The following ASMT variants were observed in gnomAD, a reference collection of about 807,000 sequenced individuals.
ASMT encodes acetylserotonin O-methyltransferase, also known as acetylserotonin N-methyltransferase.
ASMT carries 53 observed loss-of-function variants against 41.3 expected under a neutral mutation model. That is an observed-to-expected ratio of 1.28 (90% CI 1.03 to 1.61). ASMT has a LOEUF of 1.61. Among genes scored for constraint, ASMT ranks in the 40% most tolerant of loss-of-function variants. The probability of loss-of-function intolerance (pLI) is 0.00; values close to 1 mark genes in which losing one functional copy is unlikely to be tolerated. For missense variants in ASMT, 531 were observed against 441.3 expected, an observed-to-expected ratio of 1.20 and a Z score of -1.82; for synonymous variants, 231 against 184.8, an observed-to-expected ratio of 1.25 and a Z score of -2.03.
rs191827752 is a variant in ASMT, at chrX:1,629,592, C to A, written c.444-229C>A. ...TAGAAATCCCTTCCCATCCAGAGAA[C>A]AATCGTCCGTTCTGAATCAACTCCA... On this transcript the variant is annotated intron_variant, in intron 4 of 8. Transcript: ENST00000381241. 9.5e-4 allele frequency among the ~76,000 whole-genome samples: 145 copies of A among 152,286 alleles called. 1 individual carries two copies. The highest frequency in any genetic ancestry group is 3.3e-3 in the African/African-American group (136 of 41,568).
chrX:1,636,589 G>C (rs779732884), intron 8 of ASMT, 29 bp downstream of exon 8: 30 of 1,613,746 alleles, frequency 1.9e-5, no homozygotes, highest in Non-Finnish European at 2.4e-5. Flanking sequence ...ATTTCAGCGT[G>C]TGCTTGTGAC....
chrX:1,620,323 C>T lies in ASMT; in HGVS notation c.70-2816C>T, dbSNP rs1934295195. On this transcript the variant is annotated intron_variant, in intron 1 of 8. Coordinates refer to ENST00000381241, the MANE Select transcript of ASMT (RefSeq NM_001171038.2). ...AATAGGTGGGATTACAGGCGTGCACCACCATGCCTACTTTTTGTATTTTTA... is the reference window on the plus strand; with the variant it reads ...AATAGGTGGGATTACAGGCGTGCACTACCATGCCTACTTTTTGTATTTTTA... 2.0e-5 allele frequency among the ~76,000 whole-genome samples: 3 copies of T among 151,094 alleles called. No individual in the cohort carries two copies. In the South Asian group the frequency reaches 6.3e-4, roughly 32 times the overall value.
intron 1 of ASMT, among the ~76,000 whole-genome samples, chrX:1,618,889 G>A (rs1469910905): frequency 1.3e-5 from 2 of 152,204 alleles, no homozygotes; most frequent in African/African-American, 2.4e-5. Flanking sequence ...TGTTCAGGGA[G>A]GTGGTCTGGT....
chrX:1,635,995 G>T (rs188778928), intron 7 of ASMT, among the ~76,000 whole-genome samples: 2 of 144,786 alleles, frequency 1.4e-5, no homozygotes, highest in Admixed American at 7.1e-5. Flanking sequence ...TCTCGCTGTC[G>T]CCCAGGCTGG....
chrX:1,632,149 G>A (rs1388017399), intron 5 of ASMT, among the ~76,000 whole-genome samples: 7 of 152,122 alleles, frequency 4.6e-5, no homozygotes, highest in South Asian at 2.1e-4. Context: ...ACGACTTACC[G>A]GGGCCTCTGA....
Position 1,636,355 on chromosome X carries a change from G to A in ASMT, c.788-83G>A, listed in dbSNP as rs180897399. On this transcript the variant is annotated intron_variant, in intron 7 of 8. Coordinates refer to ENST00000381241, the MANE Select transcript of ASMT (RefSeq NM_001171038.2). ...ACCTGGGAAAGGCGTGACCCATCCA[G>A]GTGACCTTTTGTGCCCAGAATAGGT... 5.3e-5 allele frequency: 85 copies of A among 1,605,556 alleles called. 1 individual carries two copies. The Middle Eastern group carries it at 1.5e-3, about 28-fold the overall frequency.
chrX:1,615,318 C>CAACAATGGAACGTGAGTGTGA, intron 1 of ASMT, 50 bp downstream of exon 1: 1 of 1,482,696 alleles, frequency 6.7e-7, no homozygotes, highest in Non-Finnish European at 9.3e-7. Context: ...GTTCATCACA[C>CAACAATGGAACGTGAGTGTGA]TCACGTTCCA....
intron 1 of ASMT, among the ~76,000 whole-genome samples, chrX:1,622,725 A>C (rs1934380113): frequency 6.6e-6 from 1 of 151,108 alleles, no homozygotes; most frequent in South Asian, 2.1e-4. Context: ...CAGCCTGGCC[A>C]ACATGGTGAA....
chrX:1,633,383 T>C, intron 7 of ASMT, 93 bp downstream of exon 7: 1 of 1,529,094 alleles, frequency 6.5e-7, no homozygotes, highest in Non-Finnish European at 9.1e-7. Context: ...TGTGATGTGG[T>C]TTTCCTCTCA....
chrX:1,620,172 T>C (rs1934288440), intron 1 of ASMT, among the ~76,000 whole-genome samples: 1 of 134,028 alleles, frequency 7.5e-6, no homozygotes, highest in Non-Finnish European at 1.6e-5. Flanking sequence ...ATAGCTTTTT[T>C]TTTTTTTTTT....
chrX:1,617,620 C>T (rs1302544682), intron 1 of ASMT, among the ~76,000 whole-genome samples: 2 of 150,836 alleles, frequency 1.3e-5, no homozygotes, highest in South Asian at 2.1e-4. Flanking sequence ...TTGTTTTTTT[C>T]CTTTTTTTTT....
At chrX:1,628,932 TTCTC>T (rs202119062) in intron 4 of ASMT, among the ~76,000 whole-genome samples, 2 of 146,226 alleles carry the variant, frequency 1.4e-5, no homozygotes, top group Non-Finnish European at 3.0e-5. Flanking sequence ...CTCTCTTTCT[TTCTC>T]TCTCTCTTTC....
Position 1,641,409 on chromosome X carries a change from G to A in ASMT, c.911-1394G>A, listed in dbSNP as rs1400110445. On this transcript the variant is annotated intron_variant, in intron 8 of 8. Transcript: ENST00000381241. ...TCCTGTGAGGTCCACCTATCCTGATGGTCCATGAGGATGTGGACACAGCCG... is the reference window on the plus strand; with the variant it reads ...TCCTGTGAGGTCCACCTATCCTGATAGTCCATGAGGATGTGGACACAGCCG... Among the ~76,000 whole-genome samples the A allele has an allele frequency of 7.5e-5, 11 of 146,660 alleles. 2 individuals carry two copies. The highest frequency in any genetic ancestry group is 7.2e-5 in the Admixed American group (1 of 13,804).
chrX:1,616,106 G>A (rs1251743979), intron 1 of ASMT, among the ~76,000 whole-genome samples: 2 of 151,084 alleles, frequency 1.3e-5, no homozygotes, highest in Non-Finnish European at 1.5e-5. Flanking sequence ...TTGGCTCACT[G>A]CAACCTCCGC....
intron 7 of ASMT, among the ~76,000 whole-genome samples, chrX:1,633,964 G>A (rs1934870018): frequency 6.6e-6 from 1 of 151,906 alleles, no homozygotes; most frequent in Admixed American, 6.6e-5. Flanking sequence ...GTAGAGATGG[G>A]GTTTCACCGT....
At chrX:1,630,369 G>A (rs1242526314) in intron 5 of ASMT, among the ~76,000 whole-genome samples, 4 of 140,018 alleles carry the variant, frequency 2.9e-5, no homozygotes, top group Non-Finnish European at 4.5e-5. Flanking sequence ...GCAGTGGCAC[G>A]ATCTCGGCTC....
chrX:1,616,081 T>C (rs1265857548), intron 1 of ASMT, among the ~76,000 whole-genome samples: 1 of 151,602 alleles, frequency 6.6e-6, no homozygotes, highest in Non-Finnish European at 1.5e-5. Flanking sequence ...CAGGCTGGAG[T>C]GCAGTGGCAC....
intron 3 of ASMT, among the ~76,000 whole-genome samples, chrX:1,625,851 A>G (rs1188907383): frequency 4.7e-5 from 7 of 149,644 alleles, no homozygotes; most frequent in Non-Finnish European, 1.0e-4. Context: ...CTACTCGGAG[A>G]GGCTGAGGCA....
rs1252661522 is a variant in ASMT, at chrX:1,642,731, G to T, written c.911-72G>T. 6 of 1,426,374 alleles carry T rather than the reference G, an allele frequency of 4.2e-6. No individual in the cohort carries two copies. In the African/African-American group the frequency reaches 7.0e-5, roughly 17 times the overall value. The allele number at this position is 1,426,374 out of a possible 1,614,324, so 88.4% of individuals were successfully genotyped here. On this transcript the variant is annotated intron_variant, in intron 8 of 8. Coordinates refer to ENST00000381241, the MANE Select transcript of ASMT (RefSeq NM_001171038.2). Reference sequence around the variant, plus strand: ...TCCTCTGAGGTCTGGCTGTCCTTATGGTTCACTGGGACTTTGGCACAGTCT... The same window carrying T: ...TCCTCTGAGGTCTGGCTGTCCTTATTGTTCACTGGGACTTTGGCACAGTCT...
Sources: gnomAD v4.1 joint callset for allele counts (sites outside exome capture counted in the v4.1 genomes callset) on GRCh38, gnomAD v4.1.1 for gene constraint, MANE v1.5 for transcripts, NCBI Gene and HGNC (gene_info 2026-07-23, HGNC 2026-07-21) for gene names.